The following GAS7 variants were observed in gnomAD, a reference collection of about 807,000 sequenced individuals.
GAS7 encodes growth arrest specific 7.
A neutral mutation model predicts 71.1 loss-of-function variants in GAS7; 28 were observed. The ratio of observed to expected loss-of-function variants is 0.39; its 90% CI spans 0.29 to 0.54. The LOEUF is 0.54. GAS7 is among the 20% of genes least tolerant of loss of function. The pLI, the probability that GAS7 is intolerant of heterozygous loss-of-function variation, is 0.62. For missense variants in GAS7, 436 were observed against 627.8 expected, an observed-to-expected ratio of 0.69 and a Z score of 3.27; for synonymous variants, 258 against 245.8, an observed-to-expected ratio of 1.05 and a Z score of -0.46.
chr17:10,071,039 C>G (rs987499320), intron 1 of GAS7, among the ~76,000 whole-genome samples: 6 of 151,986 alleles, frequency 3.9e-5, no homozygotes, highest in Admixed American at 3.9e-4. Context: ...ATCCTCTGGC[C>G]TGGCATCTGG....
At chr17:10,082,732 G>A (rs1415245264) in intron 1 of GAS7, among the ~76,000 whole-genome samples, 3 of 152,172 alleles carry the variant, frequency 2.0e-5, no homozygotes, top group Non-Finnish European at 2.9e-5. Flanking sequence ...AATCATGGAA[G>A]CAACCTAAAT....
intron 1 of GAS7, chr17:10,059,878 A>C: frequency 1.2e-6 from 1 of 863,130 alleles, no homozygotes; most frequent in African/African-American, 1.8e-5. Context: ...GCAACCAAAC[A>C]AATGATATTC....
At chr17:9,940,590 T>C (rs2152090804) in intron 7 of GAS7, among the ~76,000 whole-genome samples, 1 of 152,184 alleles carries the variant, frequency 6.6e-6, no homozygotes, top group Non-Finnish European at 1.5e-5. Flanking sequence ...CCCAGTGCTG[T>C]CCCCTCTCCC....
At position 9,953,670 on chromosome 17, in the gene GAS7, G is replaced by A. The variant is rs4390632; in HGVS notation, c.525+5532C>T. 1.2e-4 allele frequency among the ~76,000 whole-genome samples: 18 copies of A among 152,336 alleles called. No homozygotes were observed. The East Asian group carries it at 1.7e-3, about 15-fold the overall frequency. ...CTATTTGCTCGTTCACTTTCCATTC[G>A]AACATCTGTTGAAAGGCTGCTCAGT... On this transcript the variant is annotated intron_variant, in intron 5 of 13. Transcript: ENST00000432992.
At chr17:10,158,348 A>AAAAC (rs2074222312) in intron 1 of GAS7, among the ~76,000 whole-genome samples, 1 of 146,178 alleles carries the variant, frequency 6.8e-6, no homozygotes. Flanking sequence ...AAAAAAAAAA[A>AAAAC]AAAAAAAAAA....
intron 2 of GAS7, among the ~76,000 whole-genome samples, chr17:9,987,484 T>A (rs1268848814): frequency 6.6e-6 from 1 of 152,156 alleles, no homozygotes; most frequent in African/African-American, 2.4e-5. Flanking sequence ...CTACCCCACA[T>A]AGAATAAAAC....
chr17:10,101,540 C>T (rs2073698736), intron 1 of GAS7, among the ~76,000 whole-genome samples: 1 of 152,214 alleles, frequency 6.6e-6, no homozygotes, highest in African/African-American at 2.4e-5. Context: ...TTAGAGGCCA[C>T]CTAACACATC....
rs377413522 is a variant in GAS7 at position 10,031,813 on chromosome 17, A to G, written c.184-11916T>C. Among the ~76,000 whole-genome samples, 6 of 152,378 alleles carry G rather than the reference A, an allele frequency of 3.9e-5. No homozygotes were observed. The South Asian group carries it at 1.2e-3, about 32-fold the overall frequency. ...CATCTCCCCAGCGGCGCCATACGGCATGATGGGGATCTGAGAGACGCCCAC... is the reference window on the plus strand; with the variant it reads ...CATCTCCCCAGCGGCGCCATACGGCGTGATGGGGATCTGAGAGACGCCCAC... On this transcript the variant is annotated intron_variant, in intron 1 of 13. Transcript: ENST00000432992.
rs36083873 is a variant in GAS7 at position 9,974,460 on chromosome 17, G to GA, written c.386-4699dup. Among the ~76,000 whole-genome samples the GA allele has an allele frequency of 6.6e-6, 1 of 151,644 alleles. No homozygotes were observed. Among genetic ancestry groups the GA allele is most frequent in the Admixed American group, 6.6e-5 (1 of 15,234 alleles). On this transcript the variant is annotated intron_variant, in intron 3 of 13. Coordinates refer to ENST00000432992, the MANE Select transcript of GAS7 (RefSeq NM_201433.2). The surrounding 1 kb of genome is among the most constrained non-coding windows in gnomAD (Gnocchi z 4.0). ...CTCCAGCCTCTGGGGGAAGAAAAATGAAATTGGTCAAGGATCGCTCATAAA... is the reference window on the plus strand; with the variant it reads ...CTCCAGCCTCTGGGGGAAGAAAAATGAAAATTGGTCAAGGATCGCTCATAAA...
Position 9,916,233 on chromosome 17 carries a change from C to T in GAS7, c.*995G>A, listed in dbSNP as rs1267645760. The T allele has an allele frequency of 2.6e-5, 6 of 232,980 alleles. No homozygotes were observed. Among genetic ancestry groups the T allele is most frequent in the Non-Finnish European group, 5.1e-5 (6 of 117,934 alleles). The allele number at this position is 232,980 out of a possible 1,614,324, so 14.4% of individuals were successfully genotyped here. On this transcript the variant is annotated 3_prime_UTR_variant, in exon 14 of 14. Coordinates refer to ENST00000432992, the MANE Select transcript of GAS7 (RefSeq NM_201433.2). The stretch of plus-strand genomic sequence containing the variant: ...GCCCTAACCCATCTCACATGTAGGA[C>T]TGACCCGGCCCCATTAAGAGCCTGT...
At chr17:10,069,645 C>T (rs566725211) in intron 1 of GAS7, among the ~76,000 whole-genome samples, 50 of 152,284 alleles carry the variant, frequency 3.3e-4, no homozygotes, top group African/African-American at 1.1e-3. Flanking sequence ...ACCCCACAGC[C>T]GGAGACCCTG....
rs374734339 is a variant in GAS7, at chr17:10,112,697, C to G, written c.183+85511G>C. Among the ~76,000 whole-genome samples the G allele has an allele frequency of 2.6e-5, 4 of 151,332 alleles. No homozygotes were observed. The East Asian group carries it at 7.8e-4, about 30-fold the overall frequency. On this transcript the variant is annotated intron_variant, in intron 1 of 13. Coordinates refer to ENST00000432992, the MANE Select transcript of GAS7 (RefSeq NM_201433.2). The stretch of plus-strand genomic sequence containing the variant: ...GAGGTTGTGGTGAGCTGAGATCATA[C>G]CAGTGCACTCCAGCCTGGGCCATGA...
chr17:10,182,676 C>A (rs1419357667), intron 1 of GAS7, among the ~76,000 whole-genome samples: 1 of 152,154 alleles, frequency 6.6e-6, no homozygotes, highest in East Asian at 1.9e-4. Flanking sequence ...ACAGCAAGGA[C>A]CTGAGAGTTC....
chr17:10,164,848 G>GCAA (rs1555538992), intron 1 of GAS7, among the ~76,000 whole-genome samples: 1 of 106,106 alleles, frequency 9.4e-6, no homozygotes, highest in Non-Finnish European at 1.9e-5. Flanking sequence ...ATGAAAAAAG[G>GCAA]AAAAAAAAAA....
intron 11 of GAS7, among the ~76,000 whole-genome samples, chr17:9,923,589 AT>A (rs532052304): frequency 7.8e-4 from 119 of 152,350 alleles, no homozygotes; most frequent in Non-Finnish European, 1.4e-3. Flanking sequence ...AGAAAAGCAA[AT>A]TAAAAACAAA....
intron 4 of GAS7, among the ~76,000 whole-genome samples, chr17:9,961,468 G>A (rs1205029786): frequency 6.6e-6 from 1 of 152,186 alleles, no homozygotes; most frequent in African/African-American, 2.4e-5. Flanking sequence ...GCAGGAGTCT[G>A]TCTTCCTGTC....
At chr17:10,036,696 G>A in intron 1 of GAS7, 1 of 1,292,804 alleles carries the variant, frequency 7.7e-7, no homozygotes, top group Non-Finnish European at 9.8e-7. Flanking sequence ...CCGCTCCAGT[G>A]CTTGCTGGGA....
chr17:10,167,675 T>G (rs1441365894), intron 1 of GAS7, among the ~76,000 whole-genome samples: 2 of 152,068 alleles, frequency 1.3e-5, no homozygotes, highest in East Asian at 3.9e-4. Flanking sequence ...TTTTTTTTTC[T>G]GTGTCTTTTT....
chr17:10,054,486 C>T (rs763297572), intron 1 of GAS7, among the ~76,000 whole-genome samples: 1 of 152,138 alleles, frequency 6.6e-6, no homozygotes, highest in Non-Finnish European at 1.5e-5. Flanking sequence ...ATGTTGGCAA[C>T]CAACTGAAAC....
Sources: allele counts gnomAD v4.1 joint callset (sites outside exome capture counted in the v4.1 genomes callset), GRCh38; gene constraint gnomAD v4.1.1; non-coding constraint Gnocchi (gnomAD v3.1); transcripts MANE v1.5; gene names NCBI Gene and HGNC (gene_info 2026-07-23, HGNC 2026-07-21).